The following FARP2 variants were observed in gnomAD, a reference collection of about 807,000 sequenced individuals.
The protein encoded by FARP2 is FERM, ARHGEF and pleckstrin domain-containing protein 2.
FARP2 carries 111 observed loss-of-function variants against 130.5 expected under a neutral mutation model. The observed-to-expected ratio is 0.85, with a 90% CI of 0.73 to 1.00. FARP2 has a LOEUF of 1.00. Among genes scored for constraint, FARP2 ranks in the 50% least tolerant of loss-of-function variants. The pLI is 0.00. For missense variants in FARP2, 1,385 were observed against 1,346.3 expected, an observed-to-expected ratio of 1.03 and a Z score of -0.45; for synonymous variants, 504 against 516.9, an observed-to-expected ratio of 0.98 and a Z score of 0.34.
chr2:241,373,592 T>G (rs2061471087), intron 2 of FARP2, among the ~76,000 whole-genome samples: 1 of 152,228 alleles, frequency 6.6e-6, no homozygotes, highest in African/African-American at 2.4e-5. Context: ...CACCCAGACC[T>G]TCCCAGCTTA....
At position 241,494,126 on chromosome 2, in the gene FARP2, C is replaced by T. The variant is rs780507764; in HGVS notation, c.*1C>T. 1.6e-5 allele frequency: 23 copies of T among 1,467,138 alleles called. No homozygotes were observed. The highest frequency in any genetic ancestry group is 1.8e-4 in the Middle Eastern group (1 of 5,654). The allele number at this position is 1,467,138 out of a possible 1,614,324, so 90.9% of individuals were successfully genotyped here. On this transcript the variant is annotated 3_prime_UTR_variant, in exon 27 of 27. Coordinates refer to ENST00000264042, the MANE Select transcript of FARP2 (RefSeq NM_014808.4). The surrounding 1 kb of genome is among the most constrained non-coding windows in gnomAD (Gnocchi z 4.9). ...GATGGTCAGGGGGAAGGAGGAATGA[C>T]GCTCAACCTGCCCAGGTTTGGACAC...
intron 19 of FARP2, among the ~76,000 whole-genome samples, chr2:241,476,375 G>A (rs1559806167): frequency 6.6e-6 from 1 of 151,772 alleles, no homozygotes; most frequent in Non-Finnish European, 1.5e-5. Context: ...AACAGAGCAA[G>A]ACCCTGTCTC....
At chr2:241,442,511 A>G (rs780292923) in intron 13 of FARP2, 169 of 455,878 alleles carry the variant, frequency 3.7e-4, no homozygotes, top group Non-Finnish European at 6.5e-4. Flanking sequence ...CCAGGAGAGC[A>G]AATAGATAAA....
chr2:241,462,603 T>C lies in FARP2; in HGVS notation c.1668T>C (p.Val556=). 1 of 1,607,194 alleles carries C rather than the reference T, an allele frequency of 6.2e-7. No individual in the cohort carries two copies. Among genetic ancestry groups the C allele is most frequent in the South Asian group, 1.1e-5 (1 of 90,956 alleles). ...TERTYLKDLE[V]ITVWFRSAVV... ...GAACATACCTCAAGGATTTAGAAGT[T>C]ATTACCGTGGTACGAAAGTCCTTGA... The change falls in exon 15 of 27, where the codon GTT becomes GTC. Residue 556 remains valine, a synonymous_variant. Transcript: ENST00000264042.
intron 1 of FARP2, among the ~76,000 whole-genome samples, chr2:241,360,250 G>GGTA (rs2061157706): frequency 6.6e-6 from 1 of 152,172 alleles, no homozygotes; most frequent in African/African-American, 2.4e-5. Flanking sequence ...CTGAGGCAGA[G>GGTA]GTAGATGCCA....
intron 2 of FARP2, among the ~76,000 whole-genome samples, chr2:241,382,292 ATTTTT>A (rs772855102): frequency 7.9e-6 from 1 of 126,276 alleles, no homozygotes. Context: ...TACAAAATCT[ATTTTT>A]TTTTTTTTTT....
chr2:241,468,001 C>T lies in FARP2; in HGVS notation c.1894-139C>T, dbSNP rs967282902. The T allele has an allele frequency of 4.2e-5, 30 of 713,050 alleles. 1 individual carries two copies. The Middle Eastern group carries it at 9.0e-4, about 21-fold the overall frequency. The allele number at this position is 713,050 out of a possible 1,614,324, so 44.2% of individuals were successfully genotyped here. ...CATTCCGTGGAGGCTAGAAAGCCCC[C>T]GCTGGCGCACGCTGGGCCACTGGTC... On this transcript the variant is annotated intron_variant, in intron 17 of 26. Coordinates refer to ENST00000264042, the MANE Select transcript of FARP2 (RefSeq NM_014808.4).
intron 6 of FARP2, among the ~76,000 whole-genome samples, chr2:241,412,013 C>A (rs1453189062): frequency 6.6e-6 from 1 of 152,168 alleles, no homozygotes; most frequent in Non-Finnish European, 1.5e-5. Flanking sequence ...TGAACCAGAT[C>A]TTTTTGCTAT....
intron 12 of FARP2, among the ~76,000 whole-genome samples, chr2:241,437,675 T>TTATTTA: frequency 2.0e-5 from 3 of 148,346 alleles, no homozygotes; most frequent in Admixed American, 7.0e-5. Context: ...TATTTATTTT[T>TTATTTA]TTTTTTTGAG....
At position 241,476,311 on chromosome 2, in the gene FARP2, A is replaced by T. The variant is rs1240925776; in HGVS notation, c.2262+324A>T. On this transcript the variant is annotated intron_variant, in intron 19 of 26. Coordinates refer to ENST00000264042, the MANE Select transcript of FARP2 (RefSeq NM_014808.4). ...CTGAGATGGGAGGATCGCTTGAGCC[A>T]AGGAGGTCGAGGCTGGAGTAAGCCC... Among the ~76,000 whole-genome samples, 4 of 151,870 alleles carry T rather than the reference A, an allele frequency of 2.6e-5. No homozygotes were observed. In the East Asian group the frequency reaches 7.7e-4, roughly 29 times the overall value.
At chr2:241,358,155 C>T (rs530866862) in intron 1 of FARP2, among the ~76,000 whole-genome samples, 153 of 152,282 alleles carry the variant, frequency 1.0e-3, no homozygotes, top group African/African-American at 3.5e-3. Context: ...TGCCACTGCA[C>T]TTCATCCTGG....
chr2:241,436,491 A>G lies in FARP2; in HGVS notation c.1111A>G (p.Lys371Glu), dbSNP rs749056821. The change falls in exon 12 of 27, where the codon AAG becomes GAG. Residue 371 changes from lysine to glutamate, a missense_variant. Lys to Glu is a moderately conservative substitution (Grantham distance 56). Transcript: ENST00000264042. ...KRIPYERRHS[K>E]THTSVRALTA... ...TCCTCTGTTTTGCAGAAGGCACAGC[A>G]AGACCCACACGTCCGTTCGAGCTCT... 13 of 1,614,096 alleles carry G rather than the reference A, an allele frequency of 8.1e-6. 1 individual carries two copies. In the East Asian group the frequency reaches 2.4e-4, roughly 30 times the overall value.
chr2:241,404,918 A>T, intron 4 of FARP2, 77 bp downstream of exon 4: 1 of 1,092,798 alleles, frequency 9.2e-7, no homozygotes, highest in Admixed American at 1.7e-5. Flanking sequence ...GGCATGTTCA[A>T]CTGTTCATTC....
intron 13 of FARP2, chr2:241,443,270 G>T: frequency 6.5e-6 from 1 of 154,326 alleles, no homozygotes; most frequent in Non-Finnish European, 1.4e-5. Flanking sequence ...TTTTTTAAAG[G>T]TGTCAAAGGG....
rs545082909 is a variant in FARP2, at chr2:241,466,081, A to G, written c.1894-2059A>G. The stretch of plus-strand genomic sequence containing the variant: ...GTTCATTAAAACAAAGGGATTTGAT[A>G]TTAAAACCCTTTAGCTCTGGGGAGG... On this transcript the variant is annotated intron_variant, in intron 17 of 26. Coordinates refer to ENST00000264042, the MANE Select transcript of FARP2 (RefSeq NM_014808.4). 4 of 1,129,136 alleles carry G rather than the reference A, an allele frequency of 3.5e-6. No individual in the cohort carries two copies. The South Asian group carries it at 8.0e-5, about 22-fold the overall frequency. The allele number at this position is 1,129,136 out of a possible 1,614,324, so 69.9% of individuals were successfully genotyped here. A position where few individuals can be genotyped will look rare whatever the true frequency, so the allele number is the denominator to read the frequency against.
chr2:241,458,757 C>G (rs772810658), intron 14 of FARP2, among the ~76,000 whole-genome samples: 14 of 151,948 alleles, frequency 9.2e-5, no homozygotes, highest in Non-Finnish European at 1.9e-4. Flanking sequence ...TTACAAAAAT[C>G]AGTTGATTCT....
intron 8 of FARP2, among the ~76,000 whole-genome samples, chr2:241,427,832 C>A (rs1232708678): frequency 6.6e-6 from 1 of 152,130 alleles, no homozygotes; most frequent in East Asian, 1.9e-4. Context: ...GTGGCGCGAT[C>A]TCAGCTCACT....
intron 13 of FARP2, among the ~76,000 whole-genome samples, chr2:241,448,365 A>T (rs1437755231): frequency 2.6e-5 from 4 of 152,248 alleles, no homozygotes; most frequent in African/African-American, 9.6e-5. Context: ...ACTGATTTAG[A>T]TGGTAAAAAC....
At chr2:241,416,742 C>T (rs1233607805) in intron 7 of FARP2, among the ~76,000 whole-genome samples, 1 of 152,018 alleles carries the variant, frequency 6.6e-6, no homozygotes, top group African/African-American at 2.4e-5. Context: ...CATGACAAAA[C>T]CCTGTCTCTA....
Sources: gnomAD v4.1 joint callset for allele counts (sites outside exome capture counted in the v4.1 genomes callset) on GRCh38, gnomAD v4.1.1 for gene constraint, Gnocchi (gnomAD v3.1) non-coding constraint, MANE v1.5 for transcripts, NCBI Gene and HGNC (gene_info 2026-07-23, HGNC 2026-07-21) for gene names.